Variants in SHANK2 observed in about 807,000 individuals in gnomAD.
The protein encoded by SHANK2 is SH3 and multiple ankyrin repeat domains protein 2.
SHANK2 carries 43 observed loss-of-function variants against 133.7 expected under a neutral mutation model. The observed-to-expected ratio is 0.32, with a 90% CI of 0.25 to 0.41. The LOEUF is 0.41. Ranked by LOEUF, SHANK2 falls within the 10% of genes least tolerant of loss-of-function variation. The pLI is 1.00. For missense variants in SHANK2, 1,994 were observed against 2,235.8 expected, an observed-to-expected ratio of 0.89 and a Z score of 2.18; for synonymous variants, 1,017 against 952.8, an observed-to-expected ratio of 1.07 and a Z score of -1.24.
In SHANK2 at chr11:70,594,962, G is replaced by A. The variant is rs545340017; in HGVS notation, c.2061+64866C>T. 7.9e-5 allele frequency among the ~76,000 whole-genome samples: 12 copies of A among 152,296 alleles called. No individual in the cohort carries two copies. In the South Asian group the frequency reaches 2.3e-3, roughly 29 times the overall value. On this transcript the variant is annotated intron_variant, in intron 17 of 25. Coordinates refer to ENST00000601538, the MANE Select transcript of SHANK2 (RefSeq NM_012309.5). ...TCAAAAAAAGTGACCCTGAACAAAT[G>A]ATGAGAGAAGGGCTTCAGGGCCGGG...
chr11:71,150,649 G>A, intron 2 of SHANK2, among the ~76,000 whole-genome samples: 1 of 151,980 alleles, frequency 6.6e-6, no homozygotes, highest in Admixed American at 6.5e-5. Context: ...GTGGCTTCAT[G>A]TCCAGCGCAT....
intron 1 of SHANK2, among the ~76,000 whole-genome samples, chr11:71,227,424 A>G (rs995757841): frequency 6.6e-6 from 1 of 152,148 alleles, no homozygotes. Flanking sequence ...AGTCATGGCT[A>G]TGTTAATATT....
chr11:70,709,531 T>C (rs1378706809), intron 14 of SHANK2, among the ~76,000 whole-genome samples: 1 of 152,174 alleles, frequency 6.6e-6, no homozygotes, highest in Admixed American at 6.5e-5. Context: ...ATGTCAGCTA[T>C]AGCTTGACAG....
chr11:71,139,721 C>T (rs1213668980), intron 3 of SHANK2, among the ~76,000 whole-genome samples: 5 of 152,182 alleles, frequency 3.3e-5, no homozygotes, highest in African/African-American at 9.6e-5. Flanking sequence ...AGGCTGCCCT[C>T]CCTGTGCCCA....
chr11:71,140,628 A>G (rs1952537221), intron 3 of SHANK2, among the ~76,000 whole-genome samples: 1 of 152,222 alleles, frequency 6.6e-6, no homozygotes, highest in African/African-American at 2.4e-5. Flanking sequence ...GGGTGGACCC[A>G]GGAGAACAGA....
chr11:70,774,479 C>G (rs1027543744), intron 14 of SHANK2, among the ~76,000 whole-genome samples: 20 of 152,052 alleles, frequency 1.3e-4, no homozygotes, highest in African/African-American at 4.8e-4. Context: ...ACCACCATAC[C>G]CAGCTAATTT....
rs552223927 is a variant in SHANK2 at position 70,487,275 on chromosome 11, G to A, written c.3018C>T (p.Pro1006=). The A allele has an allele frequency of 1.9e-5, 30 of 1,614,206 alleles. No individual in the cohort carries two copies. Among genetic ancestry groups the A allele is most frequent in the African/African-American group, 1.6e-4 (12 of 75,054 alleles). ...ASKAVYVPAK[P]ARRKGMLVKQ... The stretch of plus-strand genomic sequence containing the variant: ...TCACCAGCATCCCCTTCCGCCTGGC[G>A]GGCTTGGCGGGGACGTAGACGGCTT... Residue 1006 remains proline (P), a synonymous_variant, in exon 25 of 26, where the codon CCC becomes CCT. Transcript: ENST00000601538. This position sits in a 1 kb window ranked among gnomAD's most constrained non-coding sequence, Gnocchi z 5.8.
At chr11:70,608,576 C>G (rs1175015070) in intron 17 of SHANK2, among the ~76,000 whole-genome samples, 1 of 152,210 alleles carries the variant, frequency 6.6e-6, no homozygotes, top group Non-Finnish European at 1.5e-5. Context: ...GGACACAGCA[C>G]TCGGCAGCAG....
At chr11:70,924,569 G>A (rs554352030) in intron 10 of SHANK2, among the ~76,000 whole-genome samples, 1 of 152,184 alleles carries the variant, frequency 6.6e-6, no homozygotes, top group African/African-American at 2.4e-5. Context: ...TGGTTCTCCT[G>A]CCTCAGCCTC....
At chr11:71,097,849 T>A (rs2135144175) in intron 6 of SHANK2, among the ~76,000 whole-genome samples, 1 of 152,232 alleles carries the variant, frequency 6.6e-6, no homozygotes, top group East Asian at 1.9e-4. Flanking sequence ...TGTACGCCAG[T>A]GTATGTGTGC....
chr11:71,207,931 G>A (rs1954161564), intron 2 of SHANK2, among the ~76,000 whole-genome samples: 1 of 151,866 alleles, frequency 6.6e-6, no homozygotes, highest in Non-Finnish European at 1.5e-5. Flanking sequence ...TGCTTCCCAG[G>A]CAGGCTTACC....
chr11:70,774,843 ACAGG>A (rs1206924408), intron 14 of SHANK2, among the ~76,000 whole-genome samples: 1 of 152,158 alleles, frequency 6.6e-6, no homozygotes, highest in Non-Finnish European at 1.5e-5. Flanking sequence ...ATAAAACTAA[ACAGG>A]CGAGGGTTAA....
intron 10 of SHANK2, among the ~76,000 whole-genome samples, chr11:70,922,630 A>C (rs1291787595): frequency 6.6e-6 from 1 of 152,216 alleles, no homozygotes; most frequent in African/African-American, 2.4e-5. Flanking sequence ...CCTATTAATA[A>C]GGCTAAATAA....
At chr11:70,723,299 G>GTCTCTCTCTCTCTCTCTCTCTCTC (rs57815500) in intron 14 of SHANK2, among the ~76,000 whole-genome samples, 10 of 145,724 alleles carry the variant, frequency 6.9e-5, no homozygotes, top group African/African-American at 2.1e-4. Flanking sequence ...TGGAGGGTCT[G>GTCTCTCTCTCTCTCTCTCTCTCTC]TCTCTCTCTC....
chr11:70,639,375 T>C (rs1555005463), intron 17 of SHANK2, among the ~76,000 whole-genome samples: 1 of 152,098 alleles, frequency 6.6e-6, no homozygotes. Context: ...TGAGGGCCCC[T>C]GTCCTGGTTT....
At chr11:71,245,493 T>C (rs1195919689) in intron 1 of SHANK2, among the ~76,000 whole-genome samples, 1 of 152,258 alleles carries the variant, frequency 6.6e-6, no homozygotes, top group Non-Finnish European at 1.5e-5. Context: ...TTCCTTAAGC[T>C]AGAAGTCTGA....
At chr11:70,766,602 A>G (rs782008890) in intron 14 of SHANK2, among the ~76,000 whole-genome samples, 1 of 152,172 alleles carries the variant, frequency 6.6e-6, no homozygotes, top group Non-Finnish European at 1.5e-5. Flanking sequence ...CTCCTAAGCA[A>G]CCGCATCAGG....
intron 8 of SHANK2, among the ~76,000 whole-genome samples, chr11:71,084,073 C>T (rs1331390710): frequency 2.6e-5 from 4 of 151,858 alleles, no homozygotes; most frequent in African/African-American, 9.7e-5. Flanking sequence ...GGGTTCATGC[C>T]ATTCTCCTGC....
At chr11:71,176,813 C>T (rs1953456697) in intron 2 of SHANK2, among the ~76,000 whole-genome samples, 1 of 151,810 alleles carries the variant, frequency 6.6e-6, no homozygotes, top group African/African-American at 2.4e-5. Flanking sequence ...TATTTTTGGC[C>T]AAAAGTTATT....
Sources: allele counts gnomAD v4.1 joint callset (sites outside exome capture counted in the v4.1 genomes callset), GRCh38; gene constraint gnomAD v4.1.1; non-coding constraint Gnocchi (gnomAD v3.1); transcripts MANE v1.5; gene names NCBI Gene and HGNC (gene_info 2026-07-23, HGNC 2026-07-21).